The following MSN variants were observed in gnomAD, a reference collection of about 807,000 sequenced individuals.
The protein encoded by MSN is epididymis luminal protein 70.
Under a neutral mutation model 48.0 loss-of-function variants are expected in MSN, and 2 were observed. The observed-to-expected ratio is 0.04, with a 90% confidence interval of 0.02 to 0.13. The LOEUF is 0.13. MSN is among the 10% of genes least tolerant of loss of function. The probability of loss-of-function intolerance (pLI) is 1.00; values close to 1 mark genes in which losing one functional copy is unlikely to be tolerated. For missense variants in MSN, 267 were observed against 470.1 expected (o/e 0.57, Z 3.99); for synonymous variants, 146 against 166.9 (o/e 0.87, Z 0.97).
At chrX:65,725,619 C>G (rs1358325275) in intron 2 of MSN, among the ~76,000 whole-genome samples, 1 of 111,708 alleles carries the variant, frequency 9.0e-6, no homozygotes, top group Non-Finnish European at 1.9e-5. Context: ...TACCTTCATC[C>G]TCTGCAAAAA....
intron 1 of MSN, 169 bp from the exon 2 acceptor site, chrX:65,716,649 C>T: frequency 2.2e-6 from 1 of 463,788 alleles, no homozygotes; most frequent in Non-Finnish European, 3.9e-6. Context: ...TGCTTGGGAG[C>T]AGGGGTTGTG....
At chrX:65,625,453 T>A (rs1347978465) in intron 1 of MSN, 1 of 112,578 alleles carries the variant, frequency 8.9e-6, no homozygotes, top group African/African-American at 3.2e-5. Flanking sequence ...TTTTGAGGTT[T>A]TAACTGTTTG....
At chrX:65,715,034 A>G (rs1433110036) in intron 1 of MSN, among the ~76,000 whole-genome samples, 8 of 112,123 alleles carry the variant, frequency 7.1e-5, no homozygotes, top group African/African-American at 2.6e-4. Flanking sequence ...AATCTTCTAC[A>G]TATGGCTAAC....
At chrX:65,720,728 G>A (rs1371903413) in intron 2 of MSN, among the ~76,000 whole-genome samples, 1 of 111,952 alleles carries the variant, frequency 8.9e-6, no homozygotes, top group Non-Finnish European at 1.9e-5. Context: ...ATCCTGGAAC[G>A]CAGCAGTCAT....
intron 1 of MSN, among the ~76,000 whole-genome samples, chrX:65,714,233 T>C (rs1207828333): frequency 8.9e-6 from 1 of 112,232 alleles, no homozygotes; most frequent in Non-Finnish European, 1.9e-5. Flanking sequence ...GGCATTTAGG[T>C]TGATTCCATG....
intron 1 of MSN, among the ~76,000 whole-genome samples, chrX:65,614,422 A>G (rs1202262189): frequency 9.1e-6 from 1 of 110,173 alleles, no homozygotes; most frequent in African/African-American, 3.3e-5. Context: ...AGTCAATGGT[A>G]GCTTAATGGG....
intron 1 of MSN, among the ~76,000 whole-genome samples, chrX:65,712,671 G>T (rs1204862823): frequency 9.1e-6 from 1 of 109,312 alleles, no homozygotes; most frequent in Non-Finnish European, 1.9e-5. Context: ...ATTTTACAAA[G>T]TTGAGCTCAC....
At position 65,716,909 on chromosome X, in the gene MSN, G is replaced by A. The variant is rs965566287; in HGVS notation, c.96+8G>A. ...AAGCAGCTATTTGACCAGGTAAGGCGGAGACTCCTTAGCCTCCTCTCCTTC... is the reference window on the plus strand; with the variant it reads ...AAGCAGCTATTTGACCAGGTAAGGCAGAGACTCCTTAGCCTCCTCTCCTTC... On this transcript the variant is annotated splice_region_variant and intron_variant, in intron 2 of 12. Coordinates refer to ENST00000360270, the MANE Select transcript of MSN (RefSeq NM_002444.3). 2.2e-5 allele frequency: 27 copies of A among 1,200,473 alleles called. No individual in the cohort carries two copies. Among genetic ancestry groups the A allele is most frequent in the African/African-American group, 1.6e-4 (9 of 56,312 alleles).
rs2071736388 is a variant in MSN at position 65,741,462 on chromosome X, G to T, written c.*1569G>T. 6.0e-6 allele frequency: 1 copy of T among 166,619 alleles called. No homozygotes were observed. The allele number at this position is 166,619 out of a possible 1,213,427, so 13.7% of individuals were successfully genotyped here. On this transcript the variant is annotated 3_prime_UTR_variant, in exon 13 of 13. Transcript: ENST00000360270. ...TTTGCCAAAATTATTAATATAAGAA[G>T]CTTTCAGTATTAGTGATGTCATCTG...
intron 1 of MSN, among the ~76,000 whole-genome samples, chrX:65,622,723 G>C (rs1466367321): frequency 4.6e-5 from 5 of 109,562 alleles, no homozygotes; most frequent in African/African-American, 1.7e-4. Context: ...TGCTATGTTG[G>C]CCAGGCTGAT....
intron 8 of MSN, 112 bp from the exon 9 acceptor site, chrX:65,736,683 A>C (rs2071680094): frequency 8.1e-6 from 7 of 862,165 alleles, no homozygotes; most frequent in African/African-American, 4.3e-5. Context: ...TGATCTGCCC[A>C]CCTCGGCCTC....
intron 1 of MSN, among the ~76,000 whole-genome samples, chrX:65,650,394 G>C (rs990543674): frequency 3.6e-5 from 4 of 111,922 alleles, no homozygotes; most frequent in East Asian, 2.8e-4. Flanking sequence ...AGCCATCAAG[G>C]GTTCCTTTTC....
At chrX:65,641,860 C>T (rs1324511262) in intron 1 of MSN, among the ~76,000 whole-genome samples, 2 of 107,665 alleles carry the variant, frequency 1.9e-5, no homozygotes, top group South Asian at 4.0e-4. Flanking sequence ...GTTGGCCGGG[C>T]GCGGTGGCTC....
chrX:65,663,150 C>T (rs920934262), upstream of MSN, among the ~76,000 whole-genome samples: 3 of 108,524 alleles, frequency 2.8e-5, no homozygotes, highest in Admixed American at 9.9e-5. Context: ...TCCAGCTACT[C>T]GGGAGGCTGA....
upstream of MSN, among the ~76,000 whole-genome samples, chrX:65,663,119 G>C (rs946443839): frequency 9.1e-6 from 1 of 110,136 alleles, no homozygotes; most frequent in East Asian, 2.8e-4. Flanking sequence ...TTAGCAAGGC[G>C]TGGTGGCATG....
At chrX:65,718,750 C>G (rs899577893) in intron 2 of MSN, among the ~76,000 whole-genome samples, 7 of 103,925 alleles carry the variant, frequency 6.7e-5, no homozygotes, top group Non-Finnish European at 1.4e-4. Context: ...CCCAGGAGTT[C>G]AAGGTTACAG....
chrX:65,662,236 T>A (rs1404669291), intron 1 of MSN, among the ~76,000 whole-genome samples: 2 of 112,450 alleles, frequency 1.8e-5, no homozygotes, highest in Non-Finnish European at 3.8e-5. Context: ...TCAACGTTAT[T>A]CCCATCAAAC....
chrX:65,722,890 A>G (rs1347793581), intron 2 of MSN, among the ~76,000 whole-genome samples: 1 of 111,167 alleles, frequency 9.0e-6, no homozygotes. Flanking sequence ...CTGGGCTCCT[A>G]AGCTGACCTG....
At chrX:65,686,349 G>A (rs964093754) in intron 1 of MSN, among the ~76,000 whole-genome samples, 35 of 112,183 alleles carry the variant, frequency 3.1e-4, no homozygotes, top group Non-Finnish European at 5.8e-4. Flanking sequence ...GCAGAGTTCT[G>A]CTTGCCCAGC....
Sources: gnomAD v4.1 joint callset for allele counts (sites outside exome capture counted in the v4.1 genomes callset) on GRCh38, gnomAD v4.1.1 for gene constraint, MANE v1.5 for transcripts, NCBI Gene and HGNC (gene_info 2026-07-23, HGNC 2026-07-21) for gene names.